The following DLGAP2 variants were observed in gnomAD, a reference collection of about 807,000 sequenced individuals.
DLGAP2 encodes the protein disks large-associated protein 2.
In DLGAP2, 26 loss-of-function variants were observed where a neutral mutation model predicts 100.3. That is an observed-to-expected ratio of 0.26 (90% CI 0.19 to 0.36). The LOEUF is 0.36. DLGAP2 is among the 10% of genes least tolerant of loss of function. The pLI, the probability that DLGAP2 is intolerant of heterozygous loss-of-function variation, is 1.00. For missense variants in DLGAP2, 1,858 were observed against 1,453.2 expected (o/e 1.28, Z -4.53); for synonymous variants, 886 against 630.1 (o/e 1.41, Z -6.08).
At position 1,696,184 on chromosome 8, in the gene DLGAP2, C is replaced by T. The variant is rs192051033; in HGVS notation, c.2797-963C>T. On this transcript the variant is annotated intron_variant, in intron 13 of 14. Coordinates refer to ENST00000637795, the MANE Select transcript of DLGAP2 (RefSeq NM_001346810.2). The stretch of plus-strand genomic sequence containing the variant: ...TCCCCACTGAATCAAGGGAGCCACA[C>T]CTGGAAAAATCATTCAGATTTCAAT... Among the ~76,000 whole-genome samples, 47 of 152,298 alleles carry T rather than the reference C, an allele frequency of 3.1e-4. No individual in the cohort carries two copies. In the East Asian group the frequency reaches 8.1e-3, roughly 26 times the overall value.
At chr8:765,904 C>T (rs753394029) in intron 1 of DLGAP2, among the ~76,000 whole-genome samples, 3 of 152,158 alleles carry the variant, frequency 2.0e-5, no homozygotes, top group African/African-American at 7.2e-5. Context: ...TGCGGTGGCT[C>T]ACGCCTGTAA....
intron 1 of DLGAP2, among the ~76,000 whole-genome samples, chr8:829,385 C>T (rs1796740634): frequency 6.6e-6 from 1 of 152,190 alleles, no homozygotes; most frequent in African/African-American, 2.4e-5. Context: ...CTCTCTGTTT[C>T]TCAAGGAAAG....
intron 12 of DLGAP2, chr8:1,680,575 G>C (rs1798920939): frequency 6.6e-6 from 1 of 152,242 alleles, no homozygotes; most frequent in South Asian, 2.1e-4. Flanking sequence ...CGAATGTTGG[G>C]GAGATGCTGC....
At chr8:1,449,893 A>G (rs1798097963) in intron 3 of DLGAP2, among the ~76,000 whole-genome samples, 1 of 125,612 alleles carries the variant, frequency 8.0e-6, no homozygotes, top group Non-Finnish European at 1.7e-5. Flanking sequence ...GCTGAGGCGG[A>G]GCTGTGAGGG....
intron 14 of DLGAP2, among the ~76,000 whole-genome samples, chr8:1,698,073 G>A (rs1000766953): frequency 6.6e-6 from 1 of 152,188 alleles, no homozygotes; most frequent in African/African-American, 2.4e-5. Context: ...ATCCAGCAAG[G>A]ATGCACACCT....
chr8:759,132 CTG>C (rs1265117343), intron 1 of DLGAP2, among the ~76,000 whole-genome samples: 6 of 82,740 alleles, frequency 7.3e-5, no homozygotes, highest in African/African-American at 1.7e-4. Context: ...ATCAATACCC[CTG>C]ACAGCTTTCC....
chr8:1,140,265 T>C lies in DLGAP2; in HGVS notation c.74-118586T>C, dbSNP rs988347535. On this transcript the variant is annotated intron_variant, in intron 2 of 14. Transcript: ENST00000637795. ...CATTCCTGGATGAAGTGTTGCCGGG[T>C]GGGTGACAGCACCTCTGCTCCTTGG... Among the ~76,000 whole-genome samples, 3 of 152,088 alleles carry C rather than the reference T, an allele frequency of 2.0e-5. No homozygotes were observed. In the East Asian group the frequency reaches 5.8e-4, roughly 29 times the overall value.
At chr8:957,327 C>A (rs980540473) in intron 2 of DLGAP2, among the ~76,000 whole-genome samples, 3 of 152,210 alleles carry the variant, frequency 2.0e-5, no homozygotes, top group African/African-American at 7.2e-5. Flanking sequence ...CCCAAGGGTG[C>A]ATTCCATCGG....
chr8:1,503,250 T>G (rs945644695), intron 4 of DLGAP2, among the ~76,000 whole-genome samples: 13 of 152,306 alleles, frequency 8.5e-5, no homozygotes, highest in Non-Finnish European at 2.9e-5. Flanking sequence ...TTTCCTCTTC[T>G]GCAAGTAAAA....
chr8:1,473,288 C>G (rs1327738265), intron 3 of DLGAP2, among the ~76,000 whole-genome samples: 1 of 152,134 alleles, frequency 6.6e-6, no homozygotes, highest in Non-Finnish European at 1.5e-5. Flanking sequence ...CCACCCAATG[C>G]CCTTCAGGGG....
At position 1,446,568 on chromosome 8, in the gene DLGAP2, G is replaced by C. The variant is rs573691569; in HGVS notation, c.107-54798G>C. Among the ~76,000 whole-genome samples, 3 of 152,078 alleles carry C rather than the reference G, an allele frequency of 2.0e-5. No homozygotes were observed. In the South Asian group the frequency reaches 6.2e-4, roughly 32 times the overall value. On this transcript the variant is annotated intron_variant, in intron 3 of 14. Coordinates refer to ENST00000637795, the MANE Select transcript of DLGAP2 (RefSeq NM_001346810.2). ...TCTTTTGGCTTAGGATTGACTTGGC[G>C]ATGCGGGCTCTTTTTTGGTTCCATA... is the stretch of plus-strand genomic sequence containing the variant.
rs887783733 is a variant in DLGAP2, at chr8:1,707,374, G to C, written c.*5968G>C. 6.6e-6 allele frequency: 1 copy of C among 152,146 alleles called. No individual in the cohort carries two copies. The highest frequency in any genetic ancestry group is 1.5e-5 in the Non-Finnish European group (1 of 68,052). The allele number at this position is 152,146 out of a possible 1,614,324, so 9.4% of individuals were successfully genotyped here. A position where few individuals can be genotyped will look rare whatever the true frequency, so the allele number is the denominator to read the frequency against. ...CAAAGGACGCTCCCAGCTTGATCGT[G>C]GTACCTTATGGAAGCCACTCACGCA... On this transcript the variant is annotated 3_prime_UTR_variant, in exon 15 of 15. Transcript: ENST00000637795.
intron 2 of DLGAP2, among the ~76,000 whole-genome samples, chr8:1,165,906 T>C (rs1241623230): frequency 6.6e-6 from 1 of 152,200 alleles, no homozygotes; most frequent in Non-Finnish European, 1.5e-5. Flanking sequence ...ACTTTTAAGA[T>C]AATAACAGAT....
rs1455491989 is a variant in DLGAP2 at position 1,188,187 on chromosome 8, G to A, written c.74-70664G>A. 2.8e-5 allele frequency among the ~76,000 whole-genome samples: 4 copies of A among 140,806 alleles called. No individual in the cohort carries two copies. In the East Asian group the frequency reaches 8.6e-4, roughly 30 times the overall value. The allele number at this position is 140,806 out of a possible 152,430, so 92.4% of individuals were successfully genotyped here. On this transcript the variant is annotated intron_variant, in intron 2 of 14. Coordinates refer to ENST00000637795, the MANE Select transcript of DLGAP2 (RefSeq NM_001346810.2). ...CCCTCACGGAATCTCACACGCCCGG[G>A]ACCTCTGTGACGTTTCCCTCACGGA... is the stretch of plus-strand genomic sequence containing the variant.
chr8:1,558,224 G>A (rs551567498), intron 5 of DLGAP2, among the ~76,000 whole-genome samples: 1 of 152,344 alleles, frequency 6.6e-6, no homozygotes, highest in South Asian at 2.1e-4. Context: ...GAGGGCGATA[G>A]GAGCTGGACG....
In DLGAP2 at chr8:742,815, G is replaced by A. The variant is rs1820519227; in HGVS notation, c.18+4990G>A. Among the ~76,000 whole-genome samples the A allele has an allele frequency of 2.0e-5, 3 of 152,166 alleles. 1 individual carries two copies. In the South Asian group the frequency reaches 6.2e-4, roughly 32 times the overall value. On this transcript the variant is annotated intron_variant, in intron 1 of 14. Transcript: ENST00000637795. ...GAGTCACTTTTCCCAGCTGCATTTG[G>A]CTCTTTATTTGACCTCACCGTATTT...
chr8:1,145,617 C>CT (rs749402348), intron 2 of DLGAP2, among the ~76,000 whole-genome samples: 7 of 151,694 alleles, frequency 4.6e-5, no homozygotes, highest in Non-Finnish European at 7.4e-5. Context: ...TGGATGTATT[C>CT]TTTTTTTTAT....
intron 2 of DLGAP2, among the ~76,000 whole-genome samples, chr8:1,241,148 G>GGC (rs1282599679): frequency 8.0e-6 from 1 of 125,580 alleles, no homozygotes; most frequent in Admixed American, 8.6e-5. Context: ...TCTCTCACGT[G>GGC]GTGCCATGTC....
intron 2 of DLGAP2, among the ~76,000 whole-genome samples, chr8:911,069 T>C (rs765320868): frequency 4.6e-5 from 7 of 152,128 alleles, no homozygotes; most frequent in Non-Finnish European, 8.8e-5. Context: ...CATCCTTTCA[T>C]GACGAGTCGC....
Sources: gnomAD v4.1 joint callset for allele counts (sites outside exome capture counted in the v4.1 genomes callset) on GRCh38, gnomAD v4.1.1 for gene constraint, MANE v1.5 for transcripts, NCBI Gene and HGNC (gene_info 2026-07-23, HGNC 2026-07-21) for gene names.